DNAI3: variants seen among roughly 807,000 people sequenced by gnomAD.
The protein encoded by DNAI3 is dynein axonemal intermediate chain 3.
A neutral mutation model predicts 115.5 loss-of-function variants in DNAI3; 83 were observed. That is an observed-to-expected ratio of 0.72 (90% CI 0.60 to 0.86). The LOEUF is 0.86. DNAI3 is among the 40% of genes least tolerant of loss of function. The probability of loss-of-function intolerance (pLI) is 0.00; values close to 1 mark genes in which losing one functional copy is unlikely to be tolerated. For missense variants in DNAI3, 1,004 were observed against 1,075.8 expected (o/e 0.93, Z 0.93); for synonymous variants, 320 against 347.0 (o/e 0.92, Z 0.86).
In DNAI3 at chr1:85,073,082, G is replaced by A; in HGVS notation, c.93G>A (p.Met31Ile). 3 of 1,546,868 alleles carry A rather than the reference G, an allele frequency of 1.9e-6. No individual in the cohort carries two copies. The highest frequency in any genetic ancestry group is 2.6e-6 in the Non-Finnish European group (3 of 1,144,678). ...AASEDMEPVN[M>I]ESMGHPEIYP... is the part of the protein sequence containing the mutation. ...GTGAAGACATGGAACCAGTAAATAT[G>A]GAGAGCATGGGTAAGTGGAAATATA... The change falls in exon 3 of 23, where the codon ATG (methionine) becomes ATA (isoleucine). Residue 31 changes from methionine (M) to isoleucine (I), a missense_variant. Physicochemically the swap from Met to Ile is conservative, Grantham distance 10. Transcript: ENST00000294664.
chr1:85,063,968 A>G (rs558040622), intron 1 of DNAI3, among the ~76,000 whole-genome samples: 1 of 152,354 alleles, frequency 6.6e-6, no homozygotes, highest in South Asian at 2.1e-4. Context: ...ATTACATTAA[A>G]GAGATTGTAA....
intron 14 of DNAI3, among the ~76,000 whole-genome samples, chr1:85,105,849 A>G (rs1571186332): frequency 6.6e-6 from 1 of 152,190 alleles, no homozygotes; most frequent in African/African-American, 2.4e-5. Flanking sequence ...CTCCTACTGT[A>G]TCATGAACCC....
At position 85,094,472 on chromosome 1, in the gene DNAI3, G is replaced by A; in HGVS notation, c.1090G>A (p.Asp364Asn). The A allele has an allele frequency of 5.0e-6, 8 of 1,614,170 alleles. No individual in the cohort carries two copies. Among genetic ancestry groups the A allele is most frequent in the Non-Finnish European group, 6.8e-6 (8 of 1,180,024 alleles). Reference sequence around the variant, plus strand: ...GGTAGCCGTGCGACTTTCTTTTGAAGACAGAGTTCACTTTTCTGGTAAATT... The same window carrying A: ...GGTAGCCGTGCGACTTTCTTTTGAAAACAGAGTTCACTTTTCTGGTAAATT... ...VSVAVRLSFE[D>N]RVHFSGKLLL... The change falls in exon 10 of 23, where the codon GAC (aspartate) becomes AAC (asparagine). Residue 364 changes from aspartate (D) to asparagine (N), a missense_variant. Physicochemically the swap from Asp to Asn is conservative, Grantham distance 23. This residue lies in a region of DNAI3 where 550 missense variants were observed against 568.1 expected (regional missense o/e 0.97). Coordinates refer to ENST00000294664, the MANE Select transcript of DNAI3 (RefSeq NM_145172.5).
chr1:85,088,427 A>G (rs1654862531), intron 7 of DNAI3, among the ~76,000 whole-genome samples: 1 of 152,204 alleles, frequency 6.6e-6, no homozygotes, highest in Admixed American at 6.5e-5. Context: ...ACCATGCATT[A>G]CAAGCAGGAA....
chr1:85,117,976 T>A (rs1488283732), intron 17 of DNAI3, 117 bp downstream of exon 17: 65 of 1,238,486 alleles, frequency 5.2e-5, no homozygotes, highest in Non-Finnish European at 6.9e-5. Flanking sequence ...CATTTTCATA[T>A]TTTAGTATGC....
intron 6 of DNAI3, among the ~76,000 whole-genome samples, chr1:85,085,469 G>A (rs1654774938): frequency 2.0e-5 from 3 of 152,220 alleles, no homozygotes. Context: ...AAAGTCTGCA[G>A]AGGGAAGGCT....
chr1:85,126,491 T>C lies in DNAI3; in HGVS notation c.2113-20T>C, dbSNP rs770766213. The C allele has an allele frequency of 8.6e-5, 137 of 1,594,026 alleles. No individual in the cohort carries two copies. Among genetic ancestry groups the C allele is most frequent in the Non-Finnish European group, 1.1e-4 (133 of 1,171,042 alleles). ...ATAACAAAATCTTCTTTATTTGTCT[T>C]TTTAAAAATTTGTTTAAAGACTGGA... On this transcript the variant is annotated intron_variant, in intron 19 of 22. Coordinates refer to ENST00000294664, the MANE Select transcript of DNAI3 (RefSeq NM_145172.5).
chr1:85,122,031 C>A (rs1015659470), intron 18 of DNAI3, among the ~76,000 whole-genome samples: 2 of 152,154 alleles, frequency 1.3e-5, no homozygotes, highest in Non-Finnish European at 2.9e-5. Flanking sequence ...CTACGCCAGG[C>A]CTTCTGAATT....
chr1:85,072,192 T>C (rs1654295674), intron 2 of DNAI3, among the ~76,000 whole-genome samples, 187 bp downstream of exon 2: 1 of 152,218 alleles, frequency 6.6e-6, no homozygotes. Context: ...TGATACCAAT[T>C]AGATGCGATA....
intron 19 of DNAI3, 90 bp from the exon 20 acceptor site, chr1:85,126,421 C>A: frequency 7.3e-7 from 1 of 1,361,252 alleles, no homozygotes; most frequent in Non-Finnish European, 9.9e-7. Flanking sequence ...TCATAGCTAG[C>A]TTGAGTTGTA....
chr1:85,121,955 G>C, intron 18 of DNAI3, 141 bp downstream of exon 18: 1 of 760,132 alleles, frequency 1.3e-6, no homozygotes, highest in Non-Finnish European at 2.1e-6. Context: ...TAAAGTGAAG[G>C]CCTTGAATAA....
At chr1:85,111,240 C>T (rs1391061493) in intron 16 of DNAI3, among the ~76,000 whole-genome samples, 1 of 152,180 alleles carries the variant, frequency 6.6e-6, no homozygotes, top group East Asian at 1.9e-4. Context: ...CTAAAAAATA[C>T]TGATTCACTA....
intron 14 of DNAI3, among the ~76,000 whole-genome samples, chr1:85,106,850 A>T (rs1374930725): frequency 2.0e-5 from 3 of 152,322 alleles, no homozygotes; most frequent in African/African-American, 7.2e-5. Context: ...ATAACGTTGG[A>T]TTCCTATCTC....
At chr1:85,127,036 T>A (rs1054093530) in intron 20 of DNAI3, among the ~76,000 whole-genome samples, 32 of 152,210 alleles carry the variant, frequency 2.1e-4, no homozygotes, top group Admixed American at 2.1e-3. Context: ...GATGGGAACA[T>A]CCTTCTCTTC....
Position 85,130,128 on chromosome 1 carries a change from G to A in DNAI3, c.2532+16G>A. ...GAAAAAAGTTGTAAGTTAAATTTCA[G>A]AAATGAAAGATGTTTTCCTCGAACA... On this transcript the variant is annotated intron_variant, in intron 22 of 22. Coordinates refer to ENST00000294664, the MANE Select transcript of DNAI3 (RefSeq NM_145172.5). 1.9e-6 allele frequency: 3 copies of A among 1,612,744 alleles called. No homozygotes were observed. Among genetic ancestry groups the A allele is most frequent in the Non-Finnish European group, 2.5e-6 (3 of 1,179,510 alleles).
chr1:85,095,637 A>C (rs760077620), intron 10 of DNAI3, among the ~76,000 whole-genome samples: 69 of 152,342 alleles, frequency 4.5e-4, no homozygotes, highest in Non-Finnish European at 8.8e-4. Flanking sequence ...TTTTGTTATA[A>C]ACATTGTAAC....
chr1:85,131,247 C>T (rs956659522), intron 22 of DNAI3, among the ~76,000 whole-genome samples: 1 of 151,882 alleles, frequency 6.6e-6, no homozygotes, highest in Non-Finnish European at 1.5e-5. Flanking sequence ...GAGTTCGAGA[C>T]CAGCTTGACC....
chr1:85,088,686 A>T (rs115358345), intron 7 of DNAI3, among the ~76,000 whole-genome samples: 2 of 152,230 alleles, frequency 1.3e-5, no homozygotes, highest in Non-Finnish European at 2.9e-5. Context: ...GAGGTTAAAA[A>T]TGAAAGCCCA....
At chr1:85,081,197 C>T in intron 3 of DNAI3, 37 bp from the exon 4 acceptor site, 1 of 1,497,456 alleles carries the variant, frequency 6.7e-7, no homozygotes, top group Non-Finnish European at 8.9e-7. Flanking sequence ...TTTAAGTGGT[C>T]ATATTTAATG....
Sources: gnomAD v4.1 joint callset for allele counts (sites outside exome capture counted in the v4.1 genomes callset) on GRCh38, gnomAD v4.1.1 for gene constraint, gnomAD v4.1.1 regional missense constraint, MANE v1.5 for transcripts, NCBI Gene and HGNC (gene_info 2026-07-23, HGNC 2026-07-21) for gene names.